Variants in PCDH15 observed in about 807,000 individuals in gnomAD.
PCDH15 encodes protocadherin-15.
In PCDH15, 129 loss-of-function variants were observed where a neutral mutation model predicts 178.5. The ratio of observed to expected loss-of-function variants is 0.72; its 90% confidence interval spans 0.63 to 0.84. The LOEUF (loss-of-function observed/expected upper bound fraction) is 0.84. Ranked by LOEUF, PCDH15 falls within the 40% of genes least tolerant of loss-of-function variation. PCDH15 has a pLI of 0.00. For synonymous variants in PCDH15, 800 were observed against 732.0 expected, an observed-to-expected ratio of 1.09 and a Z score of -1.50; for missense variants, 2,230 against 2,099.9, an observed-to-expected ratio of 1.06 and a Z score of -1.21.
chr10:53,853,093 A>C (rs2078492442), intron 28 of PCDH15, among the ~76,000 whole-genome samples: 1 of 152,018 alleles, frequency 6.6e-6, no homozygotes, highest in Admixed American at 6.6e-5. Flanking sequence ...AGAGATCAGA[A>C]ATATTTCTGC....
At chr10:54,069,607 T>C (rs1432749486) in intron 17 of PCDH15, among the ~76,000 whole-genome samples, 1 of 152,200 alleles carries the variant, frequency 6.6e-6, no homozygotes, top group African/African-American at 2.4e-5. Context: ...GAAATACTTA[T>C]GTAAAAATGA....
At chr10:55,120,218 GT>G (rs1837730805) in intron 2 of PCDH15, among the ~76,000 whole-genome samples, 1 of 152,158 alleles carries the variant, frequency 6.6e-6, no homozygotes, top group South Asian at 2.1e-4. Flanking sequence ...TGGATTTCTT[GT>G]GTATATTTAT....
intron 2 of PCDH15, among the ~76,000 whole-genome samples, chr10:54,919,863 T>C (rs150211530): frequency 5.3e-5 from 8 of 152,060 alleles, no homozygotes; most frequent in Non-Finnish European, 1.0e-4. Context: ...AGGATACCAC[T>C]GAAATGCTCA....
chr10:55,420,824 A>G (rs1204405714), intron 2 of PCDH15, among the ~76,000 whole-genome samples: 2 of 151,760 alleles, frequency 1.3e-5, no homozygotes, highest in Non-Finnish European at 3.0e-5. Context: ...TATGTCAAGC[A>G]TGGGGCTAAT....
At chr10:55,574,848 C>G (rs904864687) in intron 2 of PCDH15, among the ~76,000 whole-genome samples, 2 of 151,954 alleles carry the variant, frequency 1.3e-5, no homozygotes, top group Non-Finnish European at 2.9e-5. Flanking sequence ...GTTTATCTAT[C>G]TTCTTATTGT....
intron 2 of PCDH15, among the ~76,000 whole-genome samples, chr10:55,620,120 T>C (rs1203200571): frequency 1.3e-5 from 2 of 152,050 alleles, no homozygotes; most frequent in African/African-American, 4.8e-5. Flanking sequence ...CCCGTTATTT[T>C]TGGAAATAGG....
intron 14 of PCDH15, among the ~76,000 whole-genome samples, chr10:54,146,894 ACATATATATATAGTGTATATATATAGTG>A (rs2043963917): frequency 1.1e-3 from 55 of 50,776 alleles, no homozygotes; most frequent in African/African-American, 6.0e-3. Context: ...GTGTGTGTAT[ACATATATATATAGTGTATATATATAGTG>A]TATATATATA....
At chr10:54,497,643 A>T (rs1056211240) in intron 3 of PCDH15, among the ~76,000 whole-genome samples, 1 of 152,208 alleles carries the variant, frequency 6.6e-6, no homozygotes, top group African/African-American at 2.4e-5. Flanking sequence ...CAATTTCAGA[A>T]TATGATTGGA....
At chr10:54,227,629 T>C (rs2053593104) in intron 9 of PCDH15, among the ~76,000 whole-genome samples, 2 of 152,232 alleles carry the variant, frequency 1.3e-5, no homozygotes, top group South Asian at 4.1e-4. Context: ...GCAGCCAGCT[T>C]GAATTTCTCC....
At chr10:54,483,922 G>A (rs2078907991) in intron 3 of PCDH15, among the ~76,000 whole-genome samples, 1 of 151,892 alleles carries the variant, frequency 6.6e-6, no homozygotes, top group African/African-American at 2.4e-5. Flanking sequence ...GTAATTAGCA[G>A]AGCCTGTATC....
intron 2 of PCDH15, among the ~76,000 whole-genome samples, chr10:54,528,667 A>G (rs1326439371): frequency 6.6e-6 from 1 of 152,088 alleles, no homozygotes; most frequent in Non-Finnish European, 1.5e-5. Context: ...AGAAAATAAC[A>G]TAAAGTAAAT....
At chr10:54,778,493 C>A (rs1041437792) in intron 1 of PCDH15, among the ~76,000 whole-genome samples, 3 of 152,114 alleles carry the variant, frequency 2.0e-5, no homozygotes, top group African/African-American at 7.2e-5. Flanking sequence ...ACCACAAAGT[C>A]TGTAGACAAT....
At position 54,012,171 on chromosome 10, in the gene PCDH15, A is replaced by T. The variant is rs189510032; in HGVS notation, c.2751+8021T>A. The stretch of plus-strand genomic sequence containing the variant: ...ATTGCATTAACAGCAGAAGAGACCA[A>T]ACTAAGGAAAGAATCAGAGAGCGTG... On this transcript the variant is annotated intron_variant, in intron 20 of 37. Coordinates refer to ENST00000644397, the MANE Select transcript of PCDH15 (RefSeq NM_001384140.1). Among the ~76,000 whole-genome samples, 18 of 152,312 alleles carry T rather than the reference A, an allele frequency of 1.2e-4. No homozygotes were observed. The East Asian group carries it at 2.7e-3, about 23-fold the overall frequency.
At chr10:55,311,828 G>A (rs911979490) in intron 1 of PCDH15, among the ~76,000 whole-genome samples, 2 of 152,170 alleles carry the variant, frequency 1.3e-5, no homozygotes, top group East Asian at 1.9e-4. Flanking sequence ...GACTCCATGT[G>A]TGCTAATACT....
chr10:54,110,476 A>G (rs1265320717), intron 15 of PCDH15, among the ~76,000 whole-genome samples: 4 of 152,148 alleles, frequency 2.6e-5, no homozygotes, highest in Non-Finnish European at 5.9e-5. Flanking sequence ...TGAATTTTTC[A>G]TCTTTACTCA....
chr10:54,245,335 C>T (rs1305980236), intron 8 of PCDH15, among the ~76,000 whole-genome samples: 1 of 151,542 alleles, frequency 6.6e-6, no homozygotes, highest in South Asian at 2.1e-4. Flanking sequence ...ATATTTCTAC[C>T]GAGTATATGT....
intron 3 of PCDH15, among the ~76,000 whole-genome samples, chr10:54,417,637 T>C (rs1378721925): frequency 6.6e-6 from 1 of 152,142 alleles, no homozygotes; most frequent in Non-Finnish European, 1.5e-5. Context: ...AAATATAGAA[T>C]GGGAGAATGT....
At chr10:54,454,874 T>C (rs1219813069) in intron 3 of PCDH15, among the ~76,000 whole-genome samples, 2 of 152,254 alleles carry the variant, frequency 1.3e-5, no homozygotes, top group African/African-American at 4.8e-5. Flanking sequence ...TTTGATAAGG[T>C]TTGGCTGTGT....
intron 1 of PCDH15, among the ~76,000 whole-genome samples, chr10:54,786,167 A>T (rs2133477026): frequency 6.6e-6 from 1 of 152,172 alleles, no homozygotes; most frequent in Middle Eastern, 3.4e-3. Context: ...ATATGACACA[A>T]AACCGGCAGC....
Sources: allele counts gnomAD v4.1 joint callset (sites outside exome capture counted in the v4.1 genomes callset), GRCh38; gene constraint gnomAD v4.1.1; transcripts MANE v1.5; gene names NCBI Gene and HGNC (gene_info 2026-07-23, HGNC 2026-07-21).